GPC4: variants seen among roughly 807,000 people sequenced by gnomAD.
GPC4 encodes the protein glypican-4.
Under a neutral mutation model 35.0 loss-of-function variants are expected in GPC4, and 10 were observed. The ratio of observed to expected loss-of-function variants is 0.29; its 90% CI spans 0.18 to 0.48. The LOEUF (loss-of-function observed/expected upper bound fraction) is 0.48. Among genes scored for constraint, GPC4 ranks in the 20% least tolerant of loss-of-function variants. The probability of loss-of-function intolerance (pLI) is 0.99; values close to 1 mark genes in which losing one functional copy is unlikely to be tolerated. For missense variants in GPC4, 322 were observed against 451.3 expected (o/e 0.71, Z 2.60); for synonymous variants, 167 against 170.2 (o/e 0.98, Z 0.15).
rs969491330 is a variant in GPC4 at position 133,325,593 on chromosome X, A to G, written c.320-1057T>C. On this transcript the variant is annotated intron_variant, in intron 2 of 8. Transcript: ENST00000370828. ...TCTCTTGCCTGGTATAAAAATAAAC[A>G]CCTCATGATATCAAGTTTATAAGCA... is the stretch of plus-strand genomic sequence containing the variant. Among the ~76,000 whole-genome samples the G allele has an allele frequency of 2.7e-5, 3 of 111,874 alleles. No individual in the cohort carries two copies. The South Asian group carries it at 1.1e-3, about 42-fold the overall frequency.
At chrX:133,343,777 TAGTCTTA>T (rs1451514774) in intron 1 of GPC4, among the ~76,000 whole-genome samples, 1 of 111,798 alleles carries the variant, frequency 8.9e-6, no homozygotes, top group African/African-American at 3.3e-5. Flanking sequence ...AATTTCTCTT[TAGTCTTA>T]ATATCAATGC....
chrX:133,377,367 A>G (rs1294898352), intron 1 of GPC4, among the ~76,000 whole-genome samples: 1 of 111,432 alleles, frequency 9.0e-6, no homozygotes, highest in Non-Finnish European at 1.9e-5. Context: ...AAGTGTACCC[A>G]ACACCCACTC....
intron 2 of GPC4, among the ~76,000 whole-genome samples, chrX:133,334,873 T>C (rs1052625473): frequency 8.9e-6 from 1 of 112,653 alleles, no homozygotes; most frequent in Non-Finnish European, 1.9e-5. Flanking sequence ...TACAGGCAGT[T>C]ATGTAGCAAT....
intron 1 of GPC4, among the ~76,000 whole-genome samples, chrX:133,402,721 C>T (rs1322327387): frequency 6.3e-5 from 7 of 110,386 alleles, no homozygotes; most frequent in Admixed American, 9.7e-5. Context: ...CTGGCTAACA[C>T]GGTGAAACCC....
chrX:133,413,150 C>A (rs2068819990), intron 1 of GPC4, among the ~76,000 whole-genome samples: 1 of 111,696 alleles, frequency 9.0e-6, no homozygotes, highest in South Asian at 3.8e-4. Flanking sequence ...TCTGGCGGGG[C>A]AGGAGGAAGG....
chrX:133,391,412 A>C (rs990126265), intron 1 of GPC4, among the ~76,000 whole-genome samples: 9 of 112,231 alleles, frequency 8.0e-5, no homozygotes, highest in African/African-American at 2.9e-4. Flanking sequence ...CTTGTAAACC[A>C]GGACTGGGAT....
intron 1 of GPC4, among the ~76,000 whole-genome samples, chrX:133,348,747 G>C (rs777782652): frequency 1.7e-4 from 19 of 112,370 alleles, no homozygotes; most frequent in Non-Finnish European, 3.4e-4. Context: ...GGAGTCACAT[G>C]TGAGTTTCAA....
At chrX:133,382,524 C>T (rs2068666763) in intron 1 of GPC4, among the ~76,000 whole-genome samples, 1 of 106,139 alleles carries the variant, frequency 9.4e-6, no homozygotes, top group Non-Finnish European at 1.9e-5. Flanking sequence ...GTCAGGAGAT[C>T]AAGACCATCC....
Position 133,415,134 on chromosome X carries a change from G to A in GPC4, c.-169C>T. On this transcript the variant is annotated 5_prime_UTR_variant, in exon 1 of 9. Coordinates refer to ENST00000370828, the MANE Select transcript of GPC4 (RefSeq NM_001448.3). ...AGGCGGAGGAGACGCGGGGCGAAAA[G>A]TAGAGCTGGGCCTCGCGTCAGGCAA... 1 of 479,785 alleles carries A rather than the reference G, an allele frequency of 2.1e-6. No individual in the cohort carries two copies. 39.5% of individuals were successfully genotyped at this position (479,785 alleles called of 1,213,427 possible).
chrX:133,380,118 T>C (rs5977867), intron 1 of GPC4, among the ~76,000 whole-genome samples: 6,247 of 110,030 alleles, frequency 0.057, 447 homozygotes, highest in African/African-American at 0.2. Flanking sequence ...GGGAGGATCA[T>C]TTGAGGCCAG....
At chrX:133,400,500 G>A (rs989447609) in intron 1 of GPC4, among the ~76,000 whole-genome samples, 2 of 112,500 alleles carry the variant, frequency 1.8e-5, no homozygotes, top group Non-Finnish European at 3.7e-5. Flanking sequence ...TAGACTGTGA[G>A]CTCCATAAGT....
chrX:133,415,235 C>A lies in GPC4; in HGVS notation c.-270G>T. Reference sequence around the variant, plus strand: ...GGCGCGCGGCCCAGGGAAGCAGAGGCGCGGGCTGGTGACCTCGGGGTTTCG... The same window carrying A: ...GGCGCGCGGCCCAGGGAAGCAGAGGAGCGGGCTGGTGACCTCGGGGTTTCG... On this transcript the variant is annotated 5_prime_UTR_variant, in exon 1 of 9. Transcript: ENST00000370828. The A allele has an allele frequency of 3.2e-6, 1 of 310,070 alleles. No homozygotes were observed. 25.6% of individuals were successfully genotyped at this position (310,070 alleles called of 1,213,427 possible). A position where few individuals can be genotyped will look rare whatever the true frequency, so the allele number is the denominator to read the frequency against.
chrX:133,377,861 C>T (rs1239533941), intron 1 of GPC4, among the ~76,000 whole-genome samples: 2 of 106,775 alleles, frequency 1.9e-5, no homozygotes, highest in African/African-American at 6.9e-5. Flanking sequence ...TTAAAGTATA[C>T]CATACTTTTC....
At chrX:133,334,593 T>C (rs2068434245) in intron 2 of GPC4, among the ~76,000 whole-genome samples, 2 of 111,048 alleles carry the variant, frequency 1.8e-5, no homozygotes, top group Admixed American at 9.6e-5. Context: ...ATTCACAGAA[T>C]TGGTAGGATT....
intron 1 of GPC4, among the ~76,000 whole-genome samples, chrX:133,347,449 T>C (rs2068498425): frequency 9.1e-6 from 1 of 109,899 alleles, no homozygotes; most frequent in Non-Finnish European, 1.9e-5. Flanking sequence ...CCTCAATTGC[T>C]ACTTTACTCT....
At chrX:133,412,200 C>T (rs2068815858) in intron 1 of GPC4, among the ~76,000 whole-genome samples, 1 of 112,009 alleles carries the variant, frequency 8.9e-6, no homozygotes, top group Non-Finnish European at 1.9e-5. Flanking sequence ...ACTATATTGA[C>T]TATCCCCCTT....
intron 1 of GPC4, among the ~76,000 whole-genome samples, chrX:133,341,802 A>G (rs1468166575): frequency 3.6e-5 from 4 of 110,395 alleles, no homozygotes; most frequent in Non-Finnish European, 5.7e-5. Context: ...GTTTAAACTC[A>G]CCCACAGGGA....
intron 2 of GPC4, among the ~76,000 whole-genome samples, chrX:133,327,582 G>A (rs964792356): frequency 2.8e-5 from 3 of 107,919 alleles, no homozygotes; most frequent in African/African-American, 6.8e-5. Context: ...GCCCCTGTCC[G>A]ACACCCACCA....
chrX:133,334,521 G>A (rs142978221), intron 2 of GPC4, among the ~76,000 whole-genome samples: 106 of 111,758 alleles, frequency 9.5e-4, no homozygotes, highest in African/African-American at 3.3e-3. Context: ...CCATACAGAC[G>A]GCTAATTAAC....
Sources: allele counts gnomAD v4.1 joint callset (sites outside exome capture counted in the v4.1 genomes callset), GRCh38; gene constraint gnomAD v4.1.1; transcripts MANE v1.5; gene names NCBI Gene and HGNC (gene_info 2026-07-23, HGNC 2026-07-21).